The following CLEC16A variants were observed in gnomAD, a reference collection of about 807,000 sequenced individuals.
CLEC16A encodes protein CLEC16A.
CLEC16A carries 51 observed loss-of-function variants against 109.5 expected under a neutral mutation model. The observed-to-expected ratio is 0.47, with a 90% CI of 0.37 to 0.59. The LOEUF (loss-of-function observed/expected upper bound fraction) is 0.59, where lower values mean the gene tolerates loss of function less well. Ranked by LOEUF, CLEC16A falls within the 20% of genes least tolerant of loss-of-function variation. CLEC16A has a pLI of 0.00. For synonymous variants in CLEC16A, 673 were observed against 564.2 expected (o/e 1.19, Z -2.73); for missense variants, 1,339 against 1,394.0 (o/e 0.96, Z 0.63).
chr16:11,044,928 A>AG (rs35801671), intron 16 of CLEC16A, among the ~76,000 whole-genome samples: 1 of 97,870 alleles, frequency 1.0e-5, no homozygotes, highest in East Asian at 2.6e-4. Context: ...ACTCCATCTC[A>AG]AAAAAAAAAA....
intron 12 of CLEC16A, among the ~76,000 whole-genome samples, 198 bp downstream of exon 12, chr16:11,020,523 T>C (rs1425087589): frequency 6.6e-6 from 1 of 150,912 alleles, no homozygotes; most frequent in Non-Finnish European, 1.5e-5. Flanking sequence ...TAATGCTCAC[T>C]CCTTTGCAAA....
At chr16:11,098,534 A>C (rs949529963) in intron 19 of CLEC16A, among the ~76,000 whole-genome samples, 6 of 152,204 alleles carry the variant, frequency 3.9e-5, no homozygotes, top group African/African-American at 1.4e-4. Context: ...TAGTGTGGCC[A>C]TCCATAATGG....
intron 11 of CLEC16A, among the ~76,000 whole-genome samples, chr16:11,014,558 A>C (rs953833997): frequency 2.0e-5 from 3 of 152,274 alleles, no homozygotes; most frequent in Admixed American, 2.0e-4. Context: ...AAATAAAATG[A>C]AAAATAGTAC....
intron 10 of CLEC16A, among the ~76,000 whole-genome samples, chr16:10,993,861 G>A (rs997369087): frequency 2.0e-4 from 31 of 152,332 alleles, no homozygotes; most frequent in African/African-American, 7.2e-4. Context: ...GCCAGAGACA[G>A]TGCCAGACAT....
intron 22 of CLEC16A, among the ~76,000 whole-genome samples, chr16:11,133,240 G>A (rs1382101230): frequency 1.3e-5 from 2 of 152,044 alleles, no homozygotes; most frequent in East Asian, 3.9e-4. Context: ...TCGGGAGGCT[G>A]AGGCAGGAGA....
intron 12 of CLEC16A, among the ~76,000 whole-genome samples, chr16:11,021,043 C>T (rs934345787): frequency 3.3e-5 from 5 of 152,186 alleles, no homozygotes; most frequent in Admixed American, 3.3e-4. Context: ...CCTTCCTGTT[C>T]ATAAATGCAC....
In CLEC16A at chr16:11,094,267, A is replaced by AGGG. The variant is rs1389875456; in HGVS notation, c.2117-26347_2117-26345dup. On this transcript the variant is annotated intron_variant, in intron 19 of 23. Coordinates refer to ENST00000409790, the MANE Select transcript of CLEC16A (RefSeq NM_015226.3). Reference sequence around the variant, plus strand: ...TCCAGGGGCTCAAAGGGGAAACTGAAGGGTAACATGAGTCAGGGGTTCCAG... The same window carrying AGGG: ...TCCAGGGGCTCAAAGGGGAAACTGAAGGGGGGTAACATGAGTCAGGGGTTCCAG... Among the ~76,000 whole-genome samples, 4 of 152,284 alleles carry AGGG rather than the reference A, an allele frequency of 2.6e-5. No homozygotes were observed. In the South Asian group the frequency reaches 8.3e-4, roughly 32 times the overall value.
Position 11,018,883 on chromosome 16 carries a change from C to T in CLEC16A, c.1304-1310C>T, listed in dbSNP as rs115287440. ...GGTCAGAGGTGGACTGGGGCCAGGC[C>T]GTGTGTTTGGATTTCATCTTGAGAG... is the stretch of plus-strand genomic sequence containing the variant. On this transcript the variant is annotated intron_variant, in intron 11 of 23. Coordinates refer to ENST00000409790, the MANE Select transcript of CLEC16A (RefSeq NM_015226.3). Among the ~76,000 whole-genome samples the T allele has an allele frequency of 7.2e-3, 1,097 of 152,094 alleles. 9 individuals carry two copies. The highest frequency in any genetic ancestry group is 0.025 in the African/African-American group (1,056 of 41,474).
At chr16:11,064,805 G>T (rs1259736439) in intron 19 of CLEC16A, among the ~76,000 whole-genome samples, 1 of 152,074 alleles carries the variant, frequency 6.6e-6, no homozygotes, top group Non-Finnish European at 1.5e-5. Flanking sequence ...CCAAAACAGG[G>T]TTCTAAAAGA....
At chr16:11,117,682 C>T (rs2052099346) in intron 19 of CLEC16A, among the ~76,000 whole-genome samples, 1 of 152,164 alleles carries the variant, frequency 6.6e-6, no homozygotes, top group South Asian at 2.1e-4. Context: ...ACTCCTACCC[C>T]CAATTCTCAC....
chr16:11,089,889 G>A (rs567822489), intron 19 of CLEC16A, among the ~76,000 whole-genome samples: 1 of 152,278 alleles, frequency 6.6e-6, no homozygotes, highest in Middle Eastern at 3.4e-3. Flanking sequence ...TTCCATCCCT[G>A]CCTTTGCTCA....
chr16:10,948,171 G>A (rs1347647263), intron 1 of CLEC16A, among the ~76,000 whole-genome samples: 1 of 152,192 alleles, frequency 6.6e-6, no homozygotes, highest in Non-Finnish European at 1.5e-5. Context: ...GGGATTACAG[G>A]CATGAGCCAC....
At chr16:11,082,315 A>G (rs977762288) in intron 19 of CLEC16A, among the ~76,000 whole-genome samples, 5 of 152,186 alleles carry the variant, frequency 3.3e-5, no homozygotes, top group Admixed American at 6.5e-5. Flanking sequence ...CCAGGGCCCT[A>G]GGGCTCCCAG....
Position 11,065,978 on chromosome 16 carries a change from C to T in CLEC16A, c.2116+4956C>T, listed in dbSNP as rs528753985. Among the ~76,000 whole-genome samples, 120 of 152,314 alleles carry T rather than the reference C, an allele frequency of 7.9e-4. 1 individual carries two copies. Among genetic ancestry groups the T allele is most frequent in the South Asian group, 2.5e-3 (12 of 4,826 alleles). Reference sequence around the variant, plus strand: ...CTAGAGCTGGCACTGCCTGGTCAGACGGTCCCAGAAGGGGCCTTCGAGCTG... The same window carrying T: ...CTAGAGCTGGCACTGCCTGGTCAGATGGTCCCAGAAGGGGCCTTCGAGCTG... On this transcript the variant is annotated intron_variant, in intron 19 of 23. Transcript: ENST00000409790.
intron 19 of CLEC16A, among the ~76,000 whole-genome samples, chr16:11,104,378 T>G (rs1263685618): frequency 6.6e-6 from 1 of 151,962 alleles, no homozygotes; most frequent in African/African-American, 2.4e-5. Flanking sequence ...TCCTCCCACC[T>G]CAGCCTCCCA....
intron 10 of CLEC16A, among the ~76,000 whole-genome samples, chr16:10,999,812 G>A (rs533463394): frequency 7.2e-5 from 11 of 152,016 alleles, no homozygotes; most frequent in African/African-American, 1.2e-4. Flanking sequence ...TCACCGTTTC[G>A]GCACTCTCTG....
chr16:11,025,666 T>A (rs1359013756), intron 13 of CLEC16A, among the ~76,000 whole-genome samples: 2 of 152,226 alleles, frequency 1.3e-5, no homozygotes, highest in African/African-American at 4.8e-5. Context: ...GTAGGTTTTT[T>A]ATAAGCTTAT....
chr16:11,085,488 G>A (rs1257425908), intron 19 of CLEC16A, among the ~76,000 whole-genome samples: 1 of 152,254 alleles, frequency 6.6e-6, no homozygotes, highest in Non-Finnish European at 1.5e-5. Context: ...CTGCGTGTCT[G>A]TTTCTTCAGC....
At chr16:11,110,724 C>A (rs1467063948) in intron 19 of CLEC16A, among the ~76,000 whole-genome samples, 2 of 152,146 alleles carry the variant, frequency 1.3e-5, no homozygotes, top group African/African-American at 4.8e-5. Flanking sequence ...CCATGCCCCT[C>A]CCAGATACCC....
Sources: gnomAD v4.1 joint callset for allele counts (sites outside exome capture counted in the v4.1 genomes callset) on GRCh38, gnomAD v4.1.1 for gene constraint, MANE v1.5 for transcripts, NCBI Gene and HGNC (gene_info 2026-07-23, HGNC 2026-07-21) for gene names.